Variants in TRPM6 observed in about 807,000 individuals in gnomAD.
The protein encoded by TRPM6 is channel kinase 2.
In TRPM6, 111 loss-of-function variants were observed where a neutral mutation model predicts 247.6. That is an observed-to-expected ratio of 0.45 (90% confidence interval 0.38 to 0.52). The LOEUF (loss-of-function observed/expected upper bound fraction) is 0.52, where lower values mean the gene tolerates loss of function less well. TRPM6 is among the 20% of genes least tolerant of loss of function. TRPM6 has a pLI of 0.00. For synonymous variants in TRPM6, 892 were observed against 853.8 expected (o/e 1.04, Z -0.78); for missense variants, 2,126 against 2,421.5 (o/e 0.88, Z 2.56).
At chr9:74,803,569 T>C (rs1174222111) in intron 15 of TRPM6, among the ~76,000 whole-genome samples, 2 of 152,128 alleles carry the variant, frequency 1.3e-5, no homozygotes, top group Non-Finnish European at 2.9e-5. Flanking sequence ...ACAGCAGGGA[T>C]AGCAGCAAGG....
chr9:74,830,380 T>TTTTG (rs373642392), intron 6 of TRPM6, among the ~76,000 whole-genome samples: 2,110 of 152,102 alleles, frequency 0.014, 55 homozygotes, highest in African/African-American at 0.049. Context: ...TTTGGGGTTT[T>TTTTG]TTTGTTTGTT....
At chr9:74,860,443 C>T (rs781314165) in intron 1 of TRPM6, among the ~76,000 whole-genome samples, 2 of 152,240 alleles carry the variant, frequency 1.3e-5, no homozygotes, top group South Asian at 2.1e-4. Context: ...ACTGAAACCA[C>T]TGCCTCTAGG....
At chr9:74,735,410 T>C (rs778256179) in intron 36 of TRPM6, among the ~76,000 whole-genome samples, 5 of 152,106 alleles carry the variant, frequency 3.3e-5, no homozygotes, top group Admixed American at 6.6e-5. Context: ...CCAACCATCA[T>C]TGAGTACATC....
intron 11 of TRPM6, among the ~76,000 whole-genome samples, chr9:74,815,937 T>C (rs1828907566): frequency 6.6e-6 from 1 of 152,262 alleles, no homozygotes; most frequent in African/African-American, 2.4e-5. Context: ...ATTAGCATTA[T>C]GGGTAATCTT....
chr9:74,728,204 T>A (rs1182203251), intron 38 of TRPM6, 35 bp downstream of exon 38: 2 of 1,437,504 alleles, frequency 1.4e-6, no homozygotes, highest in Admixed American at 1.7e-5. Flanking sequence ...CTATGAGAGA[T>A]TTACTTAGAG....
intron 1 of TRPM6, among the ~76,000 whole-genome samples, chr9:74,881,416 T>C (rs1831360331): frequency 6.6e-6 from 1 of 152,048 alleles, no homozygotes; most frequent in Admixed American, 6.6e-5. Context: ...TATATGCACC[T>C]AACAAAGCAT....
intron 1 of TRPM6, chr9:74,887,551 C>A: frequency 7.0e-7 from 1 of 1,422,182 alleles, no homozygotes; most frequent in Non-Finnish European, 9.6e-7. Context: ...GGTTTCCGCT[C>A]TGACACCACC....
chr9:74,851,220 G>T (rs538849366), intron 3 of TRPM6, among the ~76,000 whole-genome samples: 4 of 151,832 alleles, frequency 2.6e-5, no homozygotes, highest in Non-Finnish European at 5.9e-5. Flanking sequence ...AAGTCTCAAA[G>T]AACATATCAC....
In TRPM6 at chr9:74,796,906, A is replaced by G; in HGVS notation, c.2239-13T>C. 1.2e-6 allele frequency: 2 copies of G among 1,611,324 alleles called. No homozygotes were observed. The highest frequency in any genetic ancestry group is 2.2e-5 in the South Asian group (2 of 91,000). On this transcript the variant is annotated splice_polypyrimidine_tract_variant and intron_variant, in intron 17 of 38. Transcript: ENST00000360774. ...TGCTTATAATAATCTGTAAAAGAAA[A>G]AAAAGCAAAACAAAGTAGTAGGGAC...
chr9:74,747,656 G>A (rs1178791623), intron 31 of TRPM6, among the ~76,000 whole-genome samples: 1 of 152,148 alleles, frequency 6.6e-6, no homozygotes, highest in African/African-American at 2.4e-5. Context: ...ACAGAAAATG[G>A]AGAAATAACA....
At chr9:74,860,337 T>C (rs1361652769) in intron 1 of TRPM6, among the ~76,000 whole-genome samples, 1 of 151,960 alleles carries the variant, frequency 6.6e-6, no homozygotes, top group Non-Finnish European at 1.5e-5. Context: ...TATTTATTTA[T>C]TTATTTTTAT....
At chr9:74,851,195 T>C (rs1408798886) in intron 3 of TRPM6, among the ~76,000 whole-genome samples, 1 of 152,190 alleles carries the variant, frequency 6.6e-6, no homozygotes, top group African/African-American at 2.4e-5. Context: ...TTTGTCTCTT[T>C]AATTACAACT....
At chr9:74,858,177 A>G (rs1830584685) in intron 2 of TRPM6, among the ~76,000 whole-genome samples, 1 of 152,216 alleles carries the variant, frequency 6.6e-6, no homozygotes, top group Non-Finnish European at 1.5e-5. Flanking sequence ...TCACGAGGTC[A>G]GGAGATTGAG....
chr9:74,868,922 A>G (rs1326710464), intron 1 of TRPM6, among the ~76,000 whole-genome samples: 5 of 152,186 alleles, frequency 3.3e-5, no homozygotes, highest in African/African-American at 1.2e-4. Flanking sequence ...GGGGATAGAG[A>G]ATAGAGACTT....
intron 2 of TRPM6, among the ~76,000 whole-genome samples, chr9:74,858,280 G>A (rs780906507): frequency 3.9e-5 from 6 of 152,156 alleles, no homozygotes; most frequent in Non-Finnish European, 8.8e-5. Context: ...CCAGCTACTC[G>A]GGAGGTTGAG....
chr9:74,809,988 A>C (rs1291975015), intron 13 of TRPM6, among the ~76,000 whole-genome samples: 2 of 147,208 alleles, frequency 1.4e-5, no homozygotes, highest in East Asian at 3.9e-4. Flanking sequence ...AAAAAAAAAA[A>C]AAAAAAAAAA....
Position 74,725,946 on chromosome 9 carries a change from T to G in TRPM6, c.5936-1200A>C, listed in dbSNP as rs886088979. 2.0e-5 allele frequency among the ~76,000 whole-genome samples: 3 copies of G among 152,192 alleles called. No homozygotes were observed. The East Asian group carries it at 5.8e-4, about 29-fold the overall frequency. On this transcript the variant is annotated intron_variant, in intron 38 of 38. Transcript: ENST00000360774. ...GTCATATAGCTGGTAAAAAGCAGAA[T>G]TAAAATGTTTGAGTTCAGCCTCTCT... is the stretch of plus-strand genomic sequence containing the variant.
chr9:74,773,877 A>G (rs1256074669), intron 24 of TRPM6, among the ~76,000 whole-genome samples: 2 of 152,204 alleles, frequency 1.3e-5, no homozygotes, highest in Non-Finnish European at 2.9e-5. Context: ...AAAAATTTTC[A>G]GACACTGAAA....
At chr9:74,757,109 C>T (rs529685086) in intron 27 of TRPM6, among the ~76,000 whole-genome samples, 2 of 148,424 alleles carry the variant, frequency 1.3e-5, no homozygotes, top group South Asian at 2.2e-4. Context: ...ACCCGGGAGG[C>T]GGAGGATGCA....
Sources: allele counts gnomAD v4.1 joint callset (sites outside exome capture counted in the v4.1 genomes callset), GRCh38; gene constraint gnomAD v4.1.1; transcripts MANE v1.5; gene names NCBI Gene and HGNC (gene_info 2026-07-23, HGNC 2026-07-21).